The following ERCC2 variants were observed in gnomAD, a reference collection of about 807,000 sequenced individuals.
ERCC2 encodes general transcription and DNA repair factor IIH helicase subunit XPD.
In ERCC2, 90 loss-of-function variants were observed where a neutral mutation model predicts 99.4. The observed-to-expected ratio is 0.91, with a 90% CI of 0.76 to 1.08. ERCC2 has a LOEUF of 1.08. Ranked by LOEUF, ERCC2 falls within the 50% of genes least tolerant of loss-of-function variation. The pLI is 0.00. For missense variants in ERCC2, 993 were observed against 1,038.1 expected (o/e 0.96, Z 0.60); for synonymous variants, 497 against 432.4 (o/e 1.15, Z -1.85).
At position 45,365,245 on chromosome 19, in the gene ERCC2, G is replaced by A. The variant is rs1245901426; in HGVS notation, c.361-87C>T. On this transcript the variant is annotated intron_variant, in intron 5 of 22. Transcript: ENST00000391945. ...TGGTCTCCACACCTCCCAGCTGGCT[G>A]GGGTTTTGGACAACTTGAACCTCAG... The A allele has an allele frequency of 3.9e-6, 4 of 1,019,060 alleles. No homozygotes were observed. In the African/African-American group the frequency reaches 4.7e-5, roughly 12 times the overall value. The allele number at this position is 1,019,060 out of a possible 1,614,324, so 63.1% of individuals were successfully genotyped here.
In ERCC2 at chr19:45,350,164, G is replaced by A; in HGVS notation, c.*1465C>T. On this transcript the variant is annotated 3_prime_UTR_variant, in exon 23 of 23. Coordinates refer to ENST00000391945, the MANE Select transcript of ERCC2 (RefSeq NM_000400.4). ...GGGCCAGACGTGGTGGTTCACGCTT[G>A]TAACCCCAACACTTTGGGAGGCCAA... The A allele has an allele frequency of 3.3e-6, 2 of 605,698 alleles. No homozygotes were observed. The highest frequency in any genetic ancestry group is 5.8e-6 in the Non-Finnish European group (2 of 344,200). 37.5% of individuals were successfully genotyped at this position (605,698 alleles called of 1,614,324 possible). A position where few individuals can be genotyped will look rare whatever the true frequency, so the allele number is the denominator to read the frequency against.
intron 21 of ERCC2, 24 bp from the exon 22 acceptor site, chr19:45,352,376 G>C (rs1207710213): frequency 6.2e-7 from 1 of 1,613,772 alleles, no homozygotes; most frequent in Non-Finnish European, 8.5e-7. Flanking sequence ...CGCAGGCCAG[G>C]GACAGAAGGT....
intron 5 of ERCC2, among the ~76,000 whole-genome samples, chr19:45,367,664 T>C (rs950383872): frequency 2.6e-5 from 4 of 151,626 alleles, no homozygotes; most frequent in Admixed American, 2.0e-4. Context: ...ATTACAGGCA[T>C]GTGCCCAGCT....
In ERCC2 at chr19:45,350,725, G is replaced by T; in HGVS notation, c.*904C>A. 2 of 1,613,036 alleles carry T rather than the reference G, an allele frequency of 1.2e-6. No individual in the cohort carries two copies. The highest frequency in any genetic ancestry group is 1.3e-5 in the African/African-American group (1 of 75,010). On this transcript the variant is annotated 3_prime_UTR_variant, in exon 23 of 23. Coordinates refer to ENST00000391945, the MANE Select transcript of ERCC2 (RefSeq NM_000400.4). ...GAAGCTGGTCTCCCGGCTCCGAGGC[G>T]AGGCGGCGGCAGGAGCAGCCGGGTG...
intron 17 of ERCC2, 96 bp from the exon 18 acceptor site, chr19:45,353,430 G>A (rs1971897737): frequency 2.5e-6 from 2 of 812,126 alleles, no homozygotes; most frequent in Non-Finnish European, 4.2e-6. Flanking sequence ...CCATGTCTCT[G>A]GGCCTCAGCT....
At position 45,350,505 on chromosome 19, in the gene ERCC2, TC is replaced by T; in HGVS notation, c.*1123del. ...TCCCCATCTCAGTGTCCCCCATCTTTCCCCCTAGGTGCCCCCAACACAGGCA... is the reference window on the plus strand; with the variant it reads ...TCCCCATCTCAGTGTCCCCCATCTTTCCCCTAGGTGCCCCCAACACAGGCA... On this transcript the variant is annotated 3_prime_UTR_variant, in exon 23 of 23. Coordinates refer to ENST00000391945, the MANE Select transcript of ERCC2 (RefSeq NM_000400.4). The T allele has an allele frequency of 6.2e-7, 1 of 1,612,652 alleles. No individual in the cohort carries two copies. The highest frequency in any genetic ancestry group is 8.5e-7 in the Non-Finnish European group (1 of 1,179,518).
At position 45,351,531 on chromosome 19, in the gene ERCC2, T is replaced by C; in HGVS notation, c.*98A>G. 1 of 1,603,352 alleles carries C rather than the reference T, an allele frequency of 6.2e-7. No individual in the cohort carries two copies. The highest frequency in any genetic ancestry group is 1.1e-5 in the South Asian group (1 of 90,956). On this transcript the variant is annotated 3_prime_UTR_variant, in exon 23 of 23. Transcript: ENST00000391945. ...GGACGTGACAGTGAGAAATGTCACC[T>C]GACTTCATAAGACCTTCTAGCACCA...
chr19:45,361,789 C>T (rs1050716472), intron 11 of ERCC2, 147 bp from the exon 12 acceptor site: 8 of 700,822 alleles, frequency 1.1e-5, no homozygotes, highest in Admixed American at 1.0e-4. Context: ...GTTTTGGAAA[C>T]TTGCACCCCC....
intron 5 of ERCC2, among the ~76,000 whole-genome samples, chr19:45,366,852 G>A (rs1972439048): frequency 6.6e-6 from 1 of 152,094 alleles, no homozygotes; most frequent in African/African-American, 2.4e-5. Context: ...CGGCCAACAT[G>A]ATGAAACCCC....
At chr19:45,355,891 G>C (rs1971996726) in intron 15 of ERCC2, among the ~76,000 whole-genome samples, 163 bp from the exon 16 acceptor site, 1 of 150,536 alleles carries the variant, frequency 6.6e-6, no homozygotes, top group South Asian at 2.1e-4. Flanking sequence ...CTGGCCTCAA[G>C]TGACCATCCC....
At chr19:45,351,843 A>G in intron 22 of ERCC2, 122 bp from the exon 23 acceptor site, 1 of 861,128 alleles carries the variant, frequency 1.2e-6, no homozygotes, top group Non-Finnish European at 1.9e-6. Flanking sequence ...ATGAATTTGG[A>G]GATGTCCGTA....
Position 45,354,870 on chromosome 19 carries a change from T to G in ERCC2, c.1544-19A>C. On this transcript the variant is annotated intron_variant, in intron 16 of 22. Transcript: ENST00000391945. Reference sequence around the variant, plus strand: ...ATCACAGCTGCAAGGGGTCAGAGGTTGGGCCCTCTCCTGGCCCAGGTCCTC... The same window carrying G: ...ATCACAGCTGCAAGGGGTCAGAGGTGGGGCCCTCTCCTGGCCCAGGTCCTC... 1 of 1,613,752 alleles carries G rather than the reference T, an allele frequency of 6.2e-7. No individual in the cohort carries two copies. Among genetic ancestry groups the G allele is most frequent in the Non-Finnish European group, 8.5e-7 (1 of 1,179,774 alleles).
intron 11 of ERCC2, 133 bp downstream of exon 11, chr19:45,363,610 G>T: frequency 9.4e-7 from 1 of 1,060,812 alleles, no homozygotes; most frequent in Non-Finnish European, 1.3e-6. Context: ...ACCAGACAAG[G>T]TCCCACGTGC....
intron 21 of ERCC2, 51 bp downstream of exon 21, chr19:45,352,455 C>A (rs752801978): frequency 1.9e-6 from 3 of 1,613,914 alleles, no homozygotes; most frequent in Non-Finnish European, 2.5e-6. Flanking sequence ...GGGAAACAGC[C>A]TGGTTCTTGG....
In ERCC2 at chr19:45,363,896, G is replaced by A. The variant is rs1383346236; in HGVS notation, c.965C>T (p.Ser322Phe). 5 of 1,547,764 alleles carry A rather than the reference G, an allele frequency of 3.2e-6. No individual in the cohort carries two copies. The highest frequency in any genetic ancestry group is 4.3e-6 in the Non-Finnish European group (5 of 1,153,500). ...DEVLQEAVPG[S>F]IRTAEHFLGF... ...CAGGAAATGCTCGGCCGTGCGGATG[G>A]AGCCAGGCACTGCCTCTGCGAGGAG... Residue 322 changes from serine (S) to phenylalanine (F), a missense_variant, in exon 11 of 23, where the codon TCC becomes TTC. This residue lies in a region of ERCC2 where 909 missense variants were observed against 930.8 expected (regional missense o/e 0.98). Coordinates refer to ENST00000391945, the MANE Select transcript of ERCC2 (RefSeq NM_000400.4).
At chr19:45,358,969 G>A in intron 12 of ERCC2, 1 of 723,696 alleles carries the variant, frequency 1.4e-6, no homozygotes, top group Non-Finnish European at 2.6e-6. Context: ...TTCACACAGT[G>A]AAAAAAAATC....
intron 11 of ERCC2, among the ~76,000 whole-genome samples, chr19:45,362,292 C>G (rs1173899351): frequency 6.6e-6 from 1 of 152,188 alleles, no homozygotes; most frequent in Non-Finnish European, 1.5e-5. Context: ...TGGCATTAAT[C>G]CCGCATGGCC....
At position 45,350,351 on chromosome 19, in the gene ERCC2, A is replaced by C. The variant is rs1453822736; in HGVS notation, c.*1278T>G. ...CTCCCTTCTCCGCAGGCCTCAGCCTACCTGAAACAGAACAAGTATCAACAA... is the reference window on the plus strand; with the variant it reads ...CTCCCTTCTCCGCAGGCCTCAGCCTCCCTGAAACAGAACAAGTATCAACAA... On this transcript the variant is annotated 3_prime_UTR_variant, in exon 23 of 23. Coordinates refer to ENST00000391945, the MANE Select transcript of ERCC2 (RefSeq NM_000400.4). 1 of 1,613,344 alleles carries C rather than the reference A, an allele frequency of 6.2e-7. No individual in the cohort carries two copies. The highest frequency in any genetic ancestry group is 8.5e-7 in the Non-Finnish European group (1 of 1,179,926).
intron 12 of ERCC2, chr19:45,358,106 C>A: frequency 3.2e-6 from 1 of 310,010 alleles, no homozygotes; most frequent in South Asian, 3.1e-5. Flanking sequence ...AGTGCAGTGG[C>A]ATGATCTCGG....
Sources: allele counts gnomAD v4.1 joint callset (sites outside exome capture counted in the v4.1 genomes callset), GRCh38; gene constraint gnomAD v4.1.1; regional missense constraint gnomAD v4.1.1; transcripts MANE v1.5; gene names NCBI Gene and HGNC (gene_info 2026-07-23, HGNC 2026-07-21).